The following DCAF15 variants were observed in gnomAD, a reference collection of about 807,000 sequenced individuals.
DCAF15 encodes DDB1 and CUL4 associated factor 15, also known as DDB1- and CUL4-associated factor 15.
A neutral mutation model predicts 68.0 loss-of-function variants in DCAF15; 24 were observed. That is an observed-to-expected ratio of 0.35 (90% CI 0.26 to 0.50). DCAF15 has a LOEUF of 0.50. Ranked by LOEUF, DCAF15 falls within the 20% of genes least tolerant of loss-of-function variation. DCAF15 has a pLI of 0.98. For synonymous variants in DCAF15, 376 were observed against 341.6 expected (o/e 1.10, Z -1.11); for missense variants, 627 against 830.6 (o/e 0.75, Z 3.01).
Position 13,956,435 on chromosome 19 carries a change from C to T in DCAF15, c.697C>T (p.Pro233Ser). Residue 233 changes from proline (P) to serine (S), a missense_variant, in exon 6 of 13, where the codon CCC becomes TCC. Physicochemically the swap from Pro to Ser is moderately conservative, Grantham distance 74 (BLOSUM62 -1). Transcript: ENST00000254337. Reference protein sequence around the residue: ...QVVYPFPTFQPAFQLKKDQVV... With the variant: ...QVVYPFPTFQSAFQLKKDQVV... ...GGTCTACCCCTTCCCCACCTTCCAG[C>T]CCGCCTTCCAGCTCAAGAAGGACCA... 1 of 1,613,914 alleles carries T rather than the reference C, an allele frequency of 6.2e-7. No individual in the cohort carries two copies. Among genetic ancestry groups the T allele is most frequent in the Non-Finnish European group, 8.5e-7 (1 of 1,180,020 alleles).
At chr19:13,960,839 C>A in intron 12 of DCAF15, 101 bp from the exon 13 acceptor site, 1 of 1,474,674 alleles carries the variant, frequency 6.8e-7, no homozygotes, top group Non-Finnish European at 9.4e-7. Flanking sequence ...AGGGTCCCTG[C>A]CTTCTGGAAC....
chr19:13,956,079 C>T (rs760187990), intron 4 of DCAF15, 44 bp from the exon 5 acceptor site: 67 of 1,610,286 alleles, frequency 4.2e-5, no homozygotes, highest in Non-Finnish European at 5.4e-5. Context: ...CAGTGGGGGC[C>T]CCCCAGGCGC....
chr19:13,959,418 T>C lies in DCAF15; in HGVS notation c.1158T>C (p.Tyr386=). Residue 386 remains tyrosine (Y), a synonymous_variant, in exon 7 of 13, where the codon TAT becomes TAC. Coordinates refer to ENST00000254337, the MANE Select transcript of DCAF15 (RefSeq NM_138353.4). ...ASEAPASEPG[Y]VNYTKLYYVL... Reference sequence around the variant, plus strand: ...AGGCACCTGCCTCCGAGCCTGGCTATGTCAACTACACCAAGCTGTACTATG... The same window carrying C: ...AGGCACCTGCCTCCGAGCCTGGCTACGTCAACTACACCAAGCTGTACTATG... The C allele has an allele frequency of 6.2e-7, 1 of 1,608,942 alleles. No individual in the cohort carries two copies. The highest frequency in any genetic ancestry group is 8.5e-7 in the Non-Finnish European group (1 of 1,179,824).
intron 3 of DCAF15, among the ~76,000 whole-genome samples, chr19:13,955,639 G>A (rs993442309): frequency 2.6e-5 from 4 of 152,136 alleles, no homozygotes; most frequent in South Asian, 2.1e-4. Context: ...AGAGCTGAAC[G>A]GGCTTCAGGG....
Position 13,959,166 on chromosome 19 carries a change from G to C in DCAF15, c.906G>C (p.Ala302=), listed in dbSNP as rs116556577. The C allele has an allele frequency of 1.2e-6, 2 of 1,612,236 alleles. No homozygotes were observed. The highest frequency in any genetic ancestry group is 1.7e-6 in the Non-Finnish European group (2 of 1,179,830). The change falls in exon 7 of 13, where the codon GCG becomes GCC. Residue 302 remains alanine (A), a synonymous_variant. Transcript: ENST00000254337. The stretch of plus-strand genomic sequence containing the variant: ...CCCTCCCCAGCTTCTGCCCTGAGGC[G>C]GCCCCAGCCCGTTCTTCTGGGTCTC... ...PPALPSFCPE[A]APARSSGSPE...
Position 13,956,239 on chromosome 19 carries a change from A to G in DCAF15, c.590A>G (p.Gln197Arg), listed in dbSNP as rs761678118. 1.9e-6 allele frequency: 3 copies of G among 1,611,990 alleles called. No homozygotes were observed. The African/African-American group carries it at 4.0e-5, about 22-fold the overall frequency. Residue 197 changes from glutamine (Q) to arginine (R), a missense_variant, in exon 5 of 13, where the codon CAG (glutamine) becomes CGG (arginine). By Grantham distance (43) the Gln-to-Arg change is conservative (BLOSUM62 1). Around this residue, in one of 3 missense-constraint regions of DCAF15, gnomAD observed 273 missense variants for 393.7 expected, o/e 0.69. Coordinates refer to ENST00000254337, the MANE Select transcript of DCAF15 (RefSeq NM_138353.4). ...VPPPGRCAAC[Q>R]DASRAHPGDP... ...CCGCCAGGCCGCTGTGCTGCTTGCC[A>G]GGATGCCAGCCGAGCCCACCCAGGT...
chr19:13,960,723 G>GA, intron 12 of DCAF15, 143 bp downstream of exon 12: 2 of 1,011,422 alleles, frequency 2.0e-6, no homozygotes, highest in South Asian at 3.2e-5. Context: ...CAGCAGCCCT[G>GA]AAAGTGTGGG....
chr19:13,956,702 G>A (rs527484985), intron 6 of DCAF15, among the ~76,000 whole-genome samples, 180 bp downstream of exon 6: 27 of 152,328 alleles, frequency 1.8e-4, no homozygotes, highest in African/African-American at 5.1e-4. Context: ...CCCTGCCCAC[G>A]GGATCTTTCC....
At chr19:13,955,889 C>T (rs1193822952) in intron 3 of DCAF15, 23 bp from the exon 4 acceptor site, 2 of 1,612,010 alleles carry the variant, frequency 1.2e-6, no homozygotes, top group Non-Finnish European at 1.7e-6. Flanking sequence ...TGACCCGGTG[C>T]TGCCCCTGAA....
At chr19:13,960,816 A>C in intron 12 of DCAF15, 124 bp from the exon 13 acceptor site, 1 of 1,241,668 alleles carries the variant, frequency 8.1e-7, no homozygotes, top group Non-Finnish European at 1.2e-6. Context: ...CTAGAGGTGG[A>C]GGGCAACTCA....
At position 13,961,356 on chromosome 19, in the gene DCAF15, C is replaced by G; in HGVS notation, c.*361C>G. On this transcript the variant is annotated 3_prime_UTR_variant, in exon 13 of 13. Coordinates refer to ENST00000254337, the MANE Select transcript of DCAF15 (RefSeq NM_138353.4). ...TCGAATGGACCCCATTCCCCCTGCC[C>G]TGCCCGCCCCCAGCCTCCCCACCCA... is the stretch of plus-strand genomic sequence containing the variant. 1 of 297,008 alleles carries G rather than the reference C, an allele frequency of 3.4e-6. No individual in the cohort carries two copies. Among genetic ancestry groups the G allele is most frequent in the Non-Finnish European group, 6.6e-6 (1 of 152,544 alleles). The allele number at this position is 297,008 out of a possible 1,614,324, so 18.4% of individuals were successfully genotyped here.
Position 13,956,005 on chromosome 19 carries a change from G to A in DCAF15, c.460G>A (p.Val154Ile), listed in dbSNP as rs755588798. The change falls in exon 4 of 13, where the codon GTC becomes ATC. Residue 154 changes from valine (V) to isoleucine (I), a missense_variant. Around this residue, in one of 3 missense-constraint regions of DCAF15, gnomAD observed 273 missense variants for 393.7 expected, o/e 0.69. Coordinates refer to ENST00000254337, the MANE Select transcript of DCAF15 (RefSeq NM_138353.4). ...EWPSDASKVI[V>I]FGFNTRSANG... ...GCCCAGCGACGCCTCCAAGGTCATC[G>A]TCTTCGGCTTCAAGTGAGACCAGGC... 9 of 1,613,778 alleles carry A rather than the reference G, an allele frequency of 5.6e-6. No individual in the cohort carries two copies. Among genetic ancestry groups the A allele is most frequent in the South Asian group, 3.3e-5 (3 of 91,084 alleles).
intron 3 of DCAF15, among the ~76,000 whole-genome samples, chr19:13,955,351 G>C (rs1973314668): frequency 6.6e-6 from 1 of 152,190 alleles, no homozygotes; most frequent in Admixed American, 6.5e-5. Context: ...AACCTGCGAG[G>C]TGGAGGTTGC....
chr19:13,957,354 C>T (rs1274654251), intron 6 of DCAF15, among the ~76,000 whole-genome samples: 2 of 152,324 alleles, frequency 1.3e-5, no homozygotes, highest in East Asian at 1.9e-4. Flanking sequence ...ACTGACCCAG[C>T]TGCCCTGTGC....
chr19:13,955,905 C>T lies in DCAF15; in HGVS notation c.367-7C>T. ...GACCCGGTGCTGCCCCTGAACGTGC[C>T]TCACAGGTCCGGCAGGTTCGGCTAT... On this transcript the variant is annotated splice_region_variant and splice_polypyrimidine_tract_variant and intron_variant, in intron 3 of 12. Coordinates refer to ENST00000254337, the MANE Select transcript of DCAF15 (RefSeq NM_138353.4). The T allele has an allele frequency of 1.2e-6, 2 of 1,613,686 alleles. No homozygotes were observed. Among genetic ancestry groups the T allele is most frequent in the African/African-American group, 1.3e-5 (1 of 75,058 alleles).
In DCAF15 at chr19:13,959,874, C is replaced by T. The variant is rs1297153428; in HGVS notation, c.1419C>T (p.Asp473=). ...GCCATCAGTTCTGTTCTTTCAGCGA[C>T]TATGACATCGTCATTCTGGAGGTGG... ...TWGHQFCSFS[D]YDIVILEVCP... The change falls in exon 9 of 13, where the codon GAC becomes GAT. Residue 473 remains aspartate, a synonymous_variant. Coordinates refer to ENST00000254337, the MANE Select transcript of DCAF15 (RefSeq NM_138353.4). 8.1e-7 allele frequency: 1 copy of T among 1,228,086 alleles called. No homozygotes were observed. The highest frequency in any genetic ancestry group is 3.2e-5 in the East Asian group (1 of 31,084). 76.1% of individuals were successfully genotyped at this position (1,228,086 alleles called of 1,614,324 possible).
intron 12 of DCAF15, 68 bp downstream of exon 12, chr19:13,960,648 C>A: frequency 1.4e-6 from 2 of 1,415,720 alleles, no homozygotes; most frequent in Non-Finnish European, 1.9e-6. Context: ...GGAGCTGATT[C>A]CTGAGCGCTG....
rs372201651 is a variant in DCAF15 at position 13,956,306 on chromosome 19, C to T, written c.613+44C>T. The T allele has an allele frequency of 2.9e-5, 47 of 1,611,684 alleles. No homozygotes were observed. In the African/African-American group the frequency reaches 5.6e-4, roughly 19 times the overall value. ...CGAGGGCCTCTTCCCCCCTCCCCCC[C>T]TTGCTCCGGGCCGAGAGTGAGCTGC... On this transcript the variant is annotated intron_variant, in intron 5 of 12. Transcript: ENST00000254337.
Position 13,952,573 on chromosome 19 carries a change from G to C in DCAF15, c.61G>C (p.Gly21Arg). ...GGCTGGGAGCGGCGGCGGCGGCCCC[G>C]GGGGAGCCGGAGGGAAGCGGGCAGC... ...SGAGSGGGGP[G>R]GAGGKRAAGR... The change falls in exon 1 of 13, where the codon GGG becomes CGG. Residue 21 changes from glycine to arginine, a missense_variant. Transcript: ENST00000254337. 2.4e-6 allele frequency: 3 copies of C among 1,264,468 alleles called. No homozygotes were observed. Among genetic ancestry groups the C allele is most frequent in the Non-Finnish European group, 3.0e-6 (3 of 1,001,286 alleles). 78.3% of individuals were successfully genotyped at this position (1,264,468 alleles called of 1,614,324 possible).
Sources: gnomAD v4.1 joint callset for allele counts (sites outside exome capture counted in the v4.1 genomes callset) on GRCh38, gnomAD v4.1.1 for gene constraint, gnomAD v4.1.1 regional missense constraint, MANE v1.5 for transcripts, NCBI Gene and HGNC (gene_info 2026-07-23, HGNC 2026-07-21) for gene names.